Variants in ATXN1 observed in about 807,000 individuals in gnomAD.
ATXN1 encodes the protein ataxin 1.
A neutral mutation model predicts 56.4 loss-of-function variants in ATXN1; 8 were observed. The observed-to-expected ratio is 0.14, with a 90% CI of 0.08 to 0.26. The LOEUF is 0.26. Among genes scored for constraint, ATXN1 ranks in the 10% least tolerant of loss-of-function variants. ATXN1 has a pLI of 1.00. For missense variants in ATXN1, 987 were observed against 1,106.5 expected (o/e 0.89, Z 1.53); for synonymous variants, 514 against 494.6 (o/e 1.04, Z -0.52).
intron 6 of ATXN1, among the ~76,000 whole-genome samples, chr6:16,481,522 C>G (rs1760438512): frequency 1.3e-5 from 2 of 152,094 alleles, no homozygotes; most frequent in African/African-American, 4.8e-5. Flanking sequence ...CCATTTCTTC[C>G]TAGGAATAAA....
chr6:16,441,078 T>C (rs984687363), intron 6 of ATXN1, among the ~76,000 whole-genome samples: 5 of 152,144 alleles, frequency 3.3e-5, no homozygotes, highest in African/African-American at 1.2e-4. Flanking sequence ...CAAGGGGTCC[T>C]GCAGAATCCA....
intron 4 of ATXN1, among the ~76,000 whole-genome samples, chr6:16,557,420 ATCT>A (rs1762035581): frequency 2.6e-5 from 4 of 152,036 alleles, no homozygotes; most frequent in Admixed American, 1.3e-4. Context: ...GCAAAGGTCT[ATCT>A]TCTTCTTGAA....
At chr6:16,469,420 T>G (rs1760173198) in intron 6 of ATXN1, among the ~76,000 whole-genome samples, 1 of 152,210 alleles carries the variant, frequency 6.6e-6, no homozygotes, top group African/African-American at 2.4e-5. Context: ...GGTGCTAATA[T>G]CTTATCTGTG....
chr6:16,404,074 C>A (rs1040585562), intron 6 of ATXN1, among the ~76,000 whole-genome samples: 5 of 151,920 alleles, frequency 3.3e-5, no homozygotes, highest in Non-Finnish European at 5.9e-5. Context: ...CATCTCTGTG[C>A]CCATTCTTAA....
At chr6:16,403,965 C>T (rs909906970) in intron 6 of ATXN1, among the ~76,000 whole-genome samples, 1 of 151,954 alleles carries the variant, frequency 6.6e-6, no homozygotes, top group Non-Finnish European at 1.5e-5. Flanking sequence ...CTGGAGGGAG[C>T]TCTAAACATC....
At chr6:16,679,743 G>A (rs1758774647) in intron 2 of ATXN1, among the ~76,000 whole-genome samples, 1 of 152,140 alleles carries the variant, frequency 6.6e-6, no homozygotes, top group Non-Finnish European at 1.5e-5. Flanking sequence ...TTAAAATTAA[G>A]TATTGTATCA....
chr6:16,561,616 T>C (rs1190380996), intron 4 of ATXN1, among the ~76,000 whole-genome samples: 2 of 152,044 alleles, frequency 1.3e-5, no homozygotes, highest in African/African-American at 2.4e-5. Flanking sequence ...GAAAACCAAG[T>C]AAAAGTAAGA....
Position 16,327,333 on chromosome 6 carries a change from A to C in ATXN1, c.978T>G (p.Gly326=), listed in dbSNP as rs559853310. The C allele has an allele frequency of 6.2e-7, 1 of 1,611,408 alleles. No individual in the cohort carries two copies. The highest frequency in any genetic ancestry group is 8.5e-7 in the Non-Finnish European group (1 of 1,179,640). ...QAIQAKEVLN[G]EMEKSRRYGA... ...CGTACCGCCGGCTCTTCTCCATCTC[A>C]CCGTTCAGGACCTCCTTGGCCTGGA... The change falls in exon 7 of 8, where the codon GGT becomes GGG. Residue 326 remains glycine (G), a synonymous_variant. Transcript: ENST00000436367.
At chr6:16,452,230 TTA>T (rs1336138396) in intron 6 of ATXN1, among the ~76,000 whole-genome samples, 1 of 152,188 alleles carries the variant, frequency 6.6e-6, no homozygotes, top group African/African-American at 2.4e-5. Context: ...AGGGTAAAGA[TTA>T]TGTTTTCTCC....
chr6:16,652,611 T>G (rs1487239421), intron 3 of ATXN1, among the ~76,000 whole-genome samples: 1 of 152,154 alleles, frequency 6.6e-6, no homozygotes, highest in Non-Finnish European at 1.5e-5. Context: ...AGACAAAGGC[T>G]CAAAGTCAAT....
At chr6:16,678,636 C>T (rs1220899085) in intron 2 of ATXN1, among the ~76,000 whole-genome samples, 1 of 152,114 alleles carries the variant, frequency 6.6e-6, no homozygotes, top group East Asian at 1.9e-4. Flanking sequence ...ATTCAGCATA[C>T]TAATAATTTT....
chr6:16,410,211 T>G lies in ATXN1; in HGVS notation c.-161+75761A>C, dbSNP rs914882203. ...TCTAGCGGCCCTCCTTCCCCCTTAC[T>G]ATGACTTCCAATTTTGAAATACTGT... On this transcript the variant is annotated intron_variant, in intron 6 of 7. Transcript: ENST00000436367. This position sits in a 1 kb window ranked among gnomAD's most constrained non-coding sequence, Gnocchi z 4.6. Among the ~76,000 whole-genome samples the G allele has an allele frequency of 6.6e-6, 1 of 152,202 alleles. No individual in the cohort carries two copies. Among genetic ancestry groups the G allele is most frequent in the Non-Finnish European group, 1.5e-5 (1 of 68,032 alleles).
intron 2 of ATXN1, among the ~76,000 whole-genome samples, chr6:16,719,392 C>G (rs1261895452): frequency 6.6e-6 from 1 of 152,022 alleles, no homozygotes; most frequent in Middle Eastern, 3.2e-3. Flanking sequence ...AGCATGCTGT[C>G]AAAAACTGTC....
At chr6:16,346,043 G>A (rs1240740755) in intron 6 of ATXN1, among the ~76,000 whole-genome samples, 3 of 152,130 alleles carry the variant, frequency 2.0e-5, no homozygotes, top group Non-Finnish European at 4.4e-5. Flanking sequence ...AAGTGTGAGG[G>A]CGGTTCTATA....
intron 3 of ATXN1, among the ~76,000 whole-genome samples, chr6:16,624,166 C>A (rs912638140): frequency 6.6e-6 from 1 of 152,068 alleles, no homozygotes; most frequent in African/African-American, 2.4e-5. Context: ...ACCTGGCCAA[C>A]ATGGTGAAAC....
intron 6 of ATXN1, among the ~76,000 whole-genome samples, chr6:16,376,720 C>A (rs1290878192): frequency 1.3e-5 from 2 of 152,140 alleles, no homozygotes; most frequent in African/African-American, 4.8e-5. Context: ...TTAAGCACAT[C>A]ATTTACATTA....
At chr6:16,586,111 C>G (rs915055846) in intron 3 of ATXN1, among the ~76,000 whole-genome samples, 1 of 151,996 alleles carries the variant, frequency 6.6e-6, no homozygotes, top group Admixed American at 6.6e-5. Flanking sequence ...GGCAGAGACA[C>G]AGCAGGTCCC....
Position 16,328,140 on chromosome 6 carries a change from G to GC in ATXN1, c.170dup (p.Gly58ArgfsTer139). On this transcript the variant is annotated frameshift_variant, in exon 7 of 8. Coordinates refer to ENST00000436367, the MANE Select transcript of ATXN1 (RefSeq NM_001128164.2). LOFTEE classifies it high-confidence loss of function. The surrounding 1 kb of genome is among the most constrained non-coding windows in gnomAD (Gnocchi z 6.2). ...AGGTCCCTGCCGGCCCATGCCTCCCGCCCCCGTGGCCCCGGCCACCAGGGT... is the reference window on the plus strand; with the variant it reads ...AGGTCCCTGCCGGCCCATGCCTCCCGCCCCCCGTGGCCCCGGCCACCAGGGT... 6.3e-7 allele frequency: 1 copy of GC among 1,579,378 alleles called. No individual in the cohort carries two copies. The highest frequency in any genetic ancestry group is 8.6e-7 in the Non-Finnish European group (1 of 1,159,724).
At position 16,617,107 on chromosome 6, in the gene ATXN1, C is replaced by T. The variant is rs138830983; in HGVS notation, c.-488-31200G>A. Among the ~76,000 whole-genome samples the T allele has an allele frequency of 2.2e-3, 332 of 152,098 alleles. 2 individuals carry two copies. The highest frequency in any genetic ancestry group is 8.1e-3 in the Admixed American group (124 of 15,266). ...TCCACCAGGGGTATGGAACATGCCC[C>T]CAGTTGATCGGGGGGACTACTGTAT... On this transcript the variant is annotated intron_variant, in intron 3 of 7. Transcript: ENST00000436367.
Sources: gnomAD v4.1 joint callset for allele counts (sites outside exome capture counted in the v4.1 genomes callset) on GRCh38, gnomAD v4.1.1 for gene constraint, Gnocchi (gnomAD v3.1) non-coding constraint, MANE v1.5 for transcripts, NCBI Gene and HGNC (gene_info 2026-07-23, HGNC 2026-07-21) for gene names.